VCPKMT: variants seen among roughly 807,000 people sequenced by gnomAD.
VCPKMT encodes the protein protein N-lysine methyltransferase METTL21D.
VCPKMT carries 32 observed loss-of-function variants against 28.6 expected under a neutral mutation model. That is an observed-to-expected ratio of 1.12 (90% CI 0.84 to 1.50). VCPKMT has a LOEUF of 1.50. Among genes scored for constraint, VCPKMT ranks in the 40% most tolerant of loss-of-function variants. The probability of loss-of-function intolerance (pLI) is 0.00; values close to 1 mark genes in which losing one functional copy is unlikely to be tolerated. For missense variants in VCPKMT, 366 were observed against 285.0 expected, an observed-to-expected ratio of 1.28 and a Z score of -2.05; for synonymous variants, 138 against 111.4, an observed-to-expected ratio of 1.24 and a Z score of -1.50.
At position 50,109,523 on chromosome 14, in the gene VCPKMT, G is replaced by T. The variant is rs888125406; in HGVS notation, c.*176C>A. ...CCATTGGCAGGCAGGCAGGCAAGCA[G>T]GAATTTTTCGTATTGCAGACAGCCC... On this transcript the variant is annotated 3_prime_UTR_variant, in exon 6 of 6. Coordinates refer to ENST00000395860, the MANE Select transcript of VCPKMT (RefSeq NM_024558.3). 1 of 1,314,604 alleles carries T rather than the reference G, an allele frequency of 7.6e-7. No homozygotes were observed. Among genetic ancestry groups the T allele is most frequent in the African/African-American group, 1.5e-5 (1 of 65,206 alleles). 81.4% of individuals were successfully genotyped at this position (1,314,604 alleles called of 1,614,324 possible). A position where few individuals can be genotyped will look rare whatever the true frequency, so the allele number is the denominator to read the frequency against.
Position 50,108,743 on chromosome 14 carries a change from A to G in VCPKMT, c.*956T>C. ...ACTACTCTTTGGAACAAGTATGATT[A>G]AAGTCCTTGACAGATTATTGTATAT... On this transcript the variant is annotated 3_prime_UTR_variant, in exon 6 of 6. Transcript: ENST00000395860. 1.0e-6 allele frequency: 1 copy of G among 985,874 alleles called. No homozygotes were observed. Among genetic ancestry groups the G allele is most frequent in the Non-Finnish European group, 1.2e-6 (1 of 829,934 alleles). 61.1% of individuals were successfully genotyped at this position (985,874 alleles called of 1,614,324 possible). A position where few individuals can be genotyped will look rare whatever the true frequency, so the allele number is the denominator to read the frequency against.
chr14:50,103,703 ATTG>A (rs551903558), downstream of VCPKMT, among the ~76,000 whole-genome samples: 21 of 152,292 alleles, frequency 1.4e-4, no homozygotes, highest in Admixed American at 3.3e-4. Context: ...TTTTTCTAAG[ATTG>A]TTATTTGTTT....
At chr14:50,103,855 A>C (rs1882233987), downstream of VCPKMT, among the ~76,000 whole-genome samples, 1 of 152,142 alleles carries the variant, frequency 6.6e-6, no homozygotes, top group Non-Finnish European at 1.5e-5. Flanking sequence ...GCAACAGATA[A>C]AACTGACTTG....
chr14:50,110,651 T>G (rs1219615187), intron 5 of VCPKMT, among the ~76,000 whole-genome samples: 1 of 152,182 alleles, frequency 6.6e-6, no homozygotes, highest in African/African-American at 2.4e-5. Context: ...CTTCAAAAAG[T>G]TAAACAGAGT....
intron 5 of VCPKMT, among the ~76,000 whole-genome samples, chr14:50,112,395 G>GAAA (rs59968443): frequency 4.2e-4 from 5 of 11,994 alleles, no homozygotes; most frequent in Admixed American, 1.5e-3. Context: ...AAAAATACGA[G>GAAA]AAAAAAAAAA....
intron 4 of VCPKMT, among the ~76,000 whole-genome samples, chr14:50,113,780 C>T (rs940784856): frequency 1.9e-5 from 1 of 52,714 alleles, no homozygotes; most frequent in African/African-American, 7.7e-5. Flanking sequence ...CCTATAGTCC[C>T]ACTTACTTGG....
In VCPKMT at chr14:50,115,910, C is replaced by T. The variant is rs1883142944; in HGVS notation, c.379G>A (p.Gly127Arg). 6.2e-7 allele frequency: 1 copy of T among 1,613,172 alleles called. No homozygotes were observed. Among genetic ancestry groups the T allele is most frequent in the Non-Finnish European group, 8.5e-7 (1 of 1,179,294 alleles). Residue 127 changes from glycine (G) to arginine (R), a missense_variant and splice_region_variant, in exon 3 of 6, where the codon GGG (glycine) becomes AGG (arginine). Gly to Arg is a moderately radical substitution (Grantham distance 125). Transcript: ENST00000395860. ...GSVQAKVLKW[G>R]EEIEGFPSPP... ...GAAGGAAAGCCTTCTATTTCTTCCC[C>T]CCTTAAAAATGCCAAACAAATATTT...
rs1442934813 is a variant in VCPKMT at position 50,109,728 on chromosome 14, A to G, written c.676-15T>C. ...GATGGAAATTTCTATAACAAAAAAAAAGGAAACTTAAAAGATTGATTTACC... is the reference window on the plus strand; with the variant it reads ...GATGGAAATTTCTATAACAAAAAAAGAGGAAACTTAAAAGATTGATTTACC... On this transcript the variant is annotated splice_polypyrimidine_tract_variant and intron_variant, in intron 5 of 5. Coordinates refer to ENST00000395860, the MANE Select transcript of VCPKMT (RefSeq NM_024558.3). 8 of 1,596,176 alleles carry G rather than the reference A, an allele frequency of 5.0e-6. No individual in the cohort carries two copies. In the Middle Eastern group the frequency reaches 5.3e-4, roughly 107 times the overall value.
At chr14:50,113,211 C>T (rs1219547586) in intron 4 of VCPKMT, among the ~76,000 whole-genome samples, 1 of 152,146 alleles carries the variant, frequency 6.6e-6, no homozygotes, top group Non-Finnish European at 1.5e-5. Flanking sequence ...AAATTAAGCT[C>T]AGCACTTGAC....
Position 50,116,360 on chromosome 14 carries a change from C to T in VCPKMT, c.193G>A (p.Ala65Thr), listed in dbSNP as rs776565845. 8.7e-6 allele frequency: 14 copies of T among 1,612,862 alleles called. No homozygotes were observed. In the South Asian group the frequency reaches 9.9e-5, roughly 11 times the overall value. Residue 65 changes from alanine (A) to threonine (T), a missense_variant, in exon 1 of 6, where the codon GCG (alanine) becomes ACG (threonine). By Grantham distance (58) the Ala-to-Thr change is moderately conservative. Transcript: ENST00000395860. ...TCCAGCACCGACCGCCGGCTCAGCG[C>T]GTGGGCCCCGTCGCCAGAAAACTCG... ...TPEFSGDGAH[A>T]LSRRSVLELG...
intron 4 of VCPKMT, among the ~76,000 whole-genome samples, chr14:50,113,184 G>A (rs1882825389): frequency 1.3e-5 from 2 of 152,110 alleles, no homozygotes; most frequent in African/African-American, 4.8e-5. Flanking sequence ...GTAGTTACTT[G>A]GGTGTATACA....
intron 3 of VCPKMT, 152 bp downstream of exon 3, chr14:50,115,687 G>A: frequency 1.3e-6 from 1 of 772,286 alleles, no homozygotes; most frequent in Non-Finnish European, 2.1e-6. Context: ...TATACATATG[G>A]TCCCTGGTGA....
chr14:50,105,295 A>G (rs1246171578), downstream of VCPKMT, among the ~76,000 whole-genome samples: 2 of 152,190 alleles, frequency 1.3e-5, no homozygotes, highest in Non-Finnish European at 2.9e-5. Flanking sequence ...TGCTGTGTAT[A>G]AAAAAATTCC....
intron 3 of VCPKMT, 71 bp from the exon 4 acceptor site, chr14:50,114,475 G>A: frequency 2.7e-6 from 3 of 1,094,776 alleles, no homozygotes; most frequent in South Asian, 2.3e-5. Flanking sequence ...GGTTGAGGAG[G>A]TACAGGGGTA....
chr14:50,116,523 C>T lies in VCPKMT; in HGVS notation c.30G>A (p.Glu10=). The change falls in exon 1 of 6, where the codon GAG becomes GAA. Residue 10 remains glutamate (E), a synonymous_variant. Transcript: ENST00000395860. MADTLESSL[E]DPLRSFVRVL... ...CTCGCACAAAGCTCCGCAGTGGGTC[C>T]TCCAGCGAGGACTCCAGCGTATCCG... The T allele has an allele frequency of 4.3e-6, 7 of 1,613,214 alleles. No individual in the cohort carries two copies. Among genetic ancestry groups the T allele is most frequent in the Non-Finnish European group, 5.9e-6 (7 of 1,179,660 alleles).
rs1264140747 is a variant in VCPKMT, at chr14:50,108,722, C to T, written c.*977G>A. 2.0e-6 allele frequency: 2 copies of T among 985,736 alleles called. No homozygotes were observed. The highest frequency in any genetic ancestry group is 1.2e-4 in the Admixed American group (2 of 16,262). The allele number at this position is 985,736 out of a possible 1,614,324, so 61.1% of individuals were successfully genotyped here. ...ATACCAGAATTCCATCCGGTTACTA[C>T]TCTTTGGAACAAGTATGATTAAAGT... On this transcript the variant is annotated 3_prime_UTR_variant, in exon 6 of 6. Coordinates refer to ENST00000395860, the MANE Select transcript of VCPKMT (RefSeq NM_024558.3).
At position 50,112,733 on chromosome 14, in the gene VCPKMT, A is replaced by G. The variant is rs757839526; in HGVS notation, c.571-14T>C. The G allele has an allele frequency of 9.1e-5, 138 of 1,512,326 alleles. No individual in the cohort carries two copies. The highest frequency in any genetic ancestry group is 1.2e-4 in the Non-Finnish European group (128 of 1,111,224). 93.7% of individuals were successfully genotyped at this position (1,512,326 alleles called of 1,614,324 possible). A position where few individuals can be genotyped will look rare whatever the true frequency, so the allele number is the denominator to read the frequency against. On this transcript the variant is annotated splice_polypyrimidine_tract_variant and intron_variant, in intron 4 of 5. Coordinates refer to ENST00000395860, the MANE Select transcript of VCPKMT (RefSeq NM_024558.3). ...TAGCTGAAGGAGCTATAAATTTAAA[A>G]GAGACATACTTCAAATTCAATAATA...
At chr14:50,113,364 T>A (rs1390555084) in intron 4 of VCPKMT, 1 of 152,210 alleles carries the variant, frequency 6.6e-6, no homozygotes, top group Non-Finnish European at 1.5e-5. Flanking sequence ...TTTTAGTATT[T>A]GTTACCTGAG....
At chr14:50,105,051 T>C (rs1192641161), downstream of VCPKMT, among the ~76,000 whole-genome samples, 3 of 152,136 alleles carry the variant, frequency 2.0e-5, no homozygotes, top group African/African-American at 7.2e-5. Flanking sequence ...TTTAATCTAA[T>C]TTCGTTCACC....
Sources: gnomAD v4.1 joint callset for allele counts (sites outside exome capture counted in the v4.1 genomes callset) on GRCh38, gnomAD v4.1.1 for gene constraint, MANE v1.5 for transcripts, NCBI Gene and HGNC (gene_info 2026-07-23, HGNC 2026-07-21) for gene names.